The following PCED1B variants were observed in gnomAD, a reference collection of about 807,000 sequenced individuals.
PCED1B encodes PC-esterase domain-containing protein 1B.
For synonymous variants in PCED1B, 251 were observed against 246.1 expected, an observed-to-expected ratio of 1.02 and a Z score of -0.19; for missense variants, 573 against 573.9, an observed-to-expected ratio of 1.00 and a Z score of 0.02.
At chr12:47,203,762 C>T (rs1007730953) in intron 2 of PCED1B, among the ~76,000 whole-genome samples, 1 of 152,078 alleles carries the variant, frequency 6.6e-6, no homozygotes, top group African/African-American at 2.4e-5. Context: ...TACTAGTGCT[C>T]CAATGGACAT....
chr12:47,177,731 A>C (rs1043524042), intron 2 of PCED1B, among the ~76,000 whole-genome samples: 44 of 152,298 alleles, frequency 2.9e-4, no homozygotes, highest in African/African-American at 1.1e-3. Context: ...AGGTGGGCAG[A>C]CCACCTGAAG....
chr12:47,089,307 C>A (rs1202154173), intron 1 of PCED1B, among the ~76,000 whole-genome samples: 4 of 151,042 alleles, frequency 2.6e-5, no homozygotes, highest in East Asian at 2.0e-4. Flanking sequence ...ATTAACAGGG[C>A]GTGGTGACGG....
intron 2 of PCED1B, among the ~76,000 whole-genome samples, chr12:47,149,589 AAG>A (rs1399195166): frequency 2.0e-5 from 3 of 152,236 alleles, no homozygotes; most frequent in African/African-American, 4.8e-5. Context: ...CTGAAGAGTG[AAG>A]AGTTAGGAGG....
intron 2 of PCED1B, among the ~76,000 whole-genome samples, chr12:47,194,298 C>G (rs1002723192): frequency 6.6e-6 from 1 of 152,218 alleles, no homozygotes; most frequent in Non-Finnish European, 1.5e-5. Context: ...CCTCAGCCTC[C>G]TGAATAGCTG....
chr12:47,089,866 C>G (rs908837914), intron 1 of PCED1B, among the ~76,000 whole-genome samples: 5 of 151,942 alleles, frequency 3.3e-5, no homozygotes, highest in Non-Finnish European at 7.4e-5. Context: ...CTCTGCCTCC[C>G]GGGTTCAAGT....
intron 2 of PCED1B, among the ~76,000 whole-genome samples, chr12:47,160,361 GCAAT>G (rs1296067173): frequency 2.4e-5 from 3 of 124,380 alleles, no homozygotes; most frequent in Non-Finnish European, 4.7e-5. Flanking sequence ...GTACAGTGGT[GCAAT>G]CACAGCCCAC....
chr12:47,217,501 AAAGAAAGAAAG>A (rs1282382647), intron 3 of PCED1B, among the ~76,000 whole-genome samples: 1 of 130,318 alleles, frequency 7.7e-6, no homozygotes, highest in Non-Finnish European at 1.6e-5. Flanking sequence ...AGAAAGAAAG[AAAGAAAGAAAG>A]AAAGAAGAAA....
chr12:47,158,103 A>G (rs1176074364), intron 2 of PCED1B, among the ~76,000 whole-genome samples: 1 of 152,248 alleles, frequency 6.6e-6, no homozygotes, highest in Non-Finnish European at 1.5e-5. Context: ...GTTATGAATT[A>G]TGCTGCTATG....
intron 2 of PCED1B, among the ~76,000 whole-genome samples, chr12:47,207,430 C>T (rs979551094): frequency 5.9e-5 from 9 of 152,160 alleles, no homozygotes; most frequent in Admixed American, 2.0e-4. Flanking sequence ...CAGGGGCACA[C>T]CTTCCAGCTG....
chr12:47,168,469 G>T (rs1000404325), intron 2 of PCED1B, among the ~76,000 whole-genome samples: 3 of 151,856 alleles, frequency 2.0e-5, no homozygotes, highest in Non-Finnish European at 4.4e-5. Context: ...TCCTTTTTAG[G>T]TCTATTTATC....
At position 47,235,453 on chromosome 12, in the gene PCED1B, G is replaced by A; in HGVS notation, c.390G>A (p.Arg130=). Residue 130 remains arginine (R), a synonymous_variant, in exon 4 of 4, where the codon AGG becomes AGA. Coordinates refer to ENST00000546455, the MANE Select transcript of PCED1B (RefSeq NM_138371.3). ...IMNSCLWDIS[R]YGPNSWRSYL... ...ATTCCTGCCTCTGGGACATCTCCAG[G>A]TATGGTCCGAACTCCTGGAGAAGCT... The A allele has an allele frequency of 1.2e-6, 2 of 1,614,144 alleles. No homozygotes were observed. The highest frequency in any genetic ancestry group is 1.1e-5 in the South Asian group (1 of 91,088).
chr12:47,222,394 C>T (rs1943509077), intron 3 of PCED1B, among the ~76,000 whole-genome samples: 1 of 132,590 alleles, frequency 7.5e-6, no homozygotes, highest in South Asian at 2.3e-4. Context: ...TGCACTCCAG[C>T]CTGGGCAACA....
At chr12:47,217,476 G>GAA (rs765967984) in intron 3 of PCED1B, among the ~76,000 whole-genome samples, 5,894 of 99,760 alleles carry the variant, frequency 0.059, 837 homozygotes, top group African/African-American at 0.18. Context: ...GAAAGAGAAA[G>GAA]AAAGAAAGAA....
intron 2 of PCED1B, among the ~76,000 whole-genome samples, chr12:47,124,638 A>T (rs73101444): frequency 1.8e-3 from 272 of 152,104 alleles, no homozygotes; most frequent in Non-Finnish European, 3.4e-3. Context: ...TTAAGAAATG[A>T]ATCAGCAGTA....
At chr12:47,197,501 G>T (rs1325880282) in intron 2 of PCED1B, among the ~76,000 whole-genome samples, 1 of 151,102 alleles carries the variant, frequency 6.6e-6, no homozygotes, top group South Asian at 2.1e-4. Flanking sequence ...CCAGCTACTC[G>T]GGAGGCTGAG....
chr12:47,208,042 C>CT (rs1412464521), intron 2 of PCED1B, among the ~76,000 whole-genome samples: 3 of 149,882 alleles, frequency 2.0e-5, no homozygotes, highest in Non-Finnish European at 4.4e-5. Context: ...TTTTTTTTTT[C>CT]TTTTTTTCCT....
chr12:47,187,543 T>A (rs188209844), intron 2 of PCED1B, among the ~76,000 whole-genome samples: 1 of 152,192 alleles, frequency 6.6e-6, no homozygotes, highest in South Asian at 2.1e-4. Context: ...AGTGAAAGTG[T>A]AAACAGTTAA....
At chr12:47,225,708 C>T (rs1161893228) in intron 3 of PCED1B, among the ~76,000 whole-genome samples, 1 of 152,110 alleles carries the variant, frequency 6.6e-6, no homozygotes, top group Non-Finnish European at 1.5e-5. Flanking sequence ...TTTATATTCC[C>T]AGTACAATAT....
intron 2 of PCED1B, among the ~76,000 whole-genome samples, chr12:47,143,985 C>G (rs550320129): frequency 3.9e-5 from 6 of 152,166 alleles, no homozygotes; most frequent in East Asian, 1.9e-4. Flanking sequence ...AGTTGGGGCT[C>G]TCTGTAGTTA....
Sources: gnomAD v4.1 joint callset for allele counts (sites outside exome capture counted in the v4.1 genomes callset) on GRCh38, gnomAD v4.1.1 for gene constraint, MANE v1.5 for transcripts, NCBI Gene and HGNC (gene_info 2026-07-23, HGNC 2026-07-21) for gene names.